The following GMDS variants were observed in gnomAD, a reference collection of about 807,000 sequenced individuals.
GMDS encodes the protein GDP-mannose 4,6 dehydratase.
Under a neutral mutation model 49.9 loss-of-function variants are expected in GMDS, and 20 were observed. The ratio of observed to expected loss-of-function variants is 0.40; its 90% confidence interval spans 0.28 to 0.58. The LOEUF is 0.58. GMDS is among the 20% of genes least tolerant of loss of function. GMDS has a pLI of 0.42. For synonymous variants in GMDS, 177 were observed against 178.6 expected (o/e 0.99, Z 0.07); for missense variants, 362 against 481.4 (o/e 0.75, Z 2.32).
intron 4 of GMDS, among the ~76,000 whole-genome samples, chr6:2,086,146 C>A (rs1199090325): frequency 6.6e-6 from 1 of 152,114 alleles, no homozygotes; most frequent in Non-Finnish European, 1.5e-5. Context: ...TGATTTTCTT[C>A]CAGACATGAC....
chr6:2,016,079 A>AAG (rs1554147156), intron 4 of GMDS, among the ~76,000 whole-genome samples: 6 of 95,482 alleles, frequency 6.3e-5, no homozygotes, highest in African/African-American at 2.4e-4. Context: ...AAAAAAAAAA[A>AAG]AATAAATTAA....
At chr6:1,883,535 T>C (rs1050604919) in intron 7 of GMDS, among the ~76,000 whole-genome samples, 1 of 152,136 alleles carries the variant, frequency 6.6e-6, no homozygotes, top group Non-Finnish European at 1.5e-5. Context: ...ACCTTCCACA[T>C]ATATTATAAA....
rs113112525 is a variant in GMDS at position 2,208,022 on chromosome 6, C to T, written c.102+37299G>A. ...GAAAAGGCAGACAGGTATTCCCTTC[C>T]CAGATTAGAAAAGTTTTACTTATAA... On this transcript the variant is annotated intron_variant, in intron 1 of 10. Coordinates refer to ENST00000380815, the MANE Select transcript of GMDS (RefSeq NM_001500.4). Among the ~76,000 whole-genome samples the T allele has an allele frequency of 3.3e-3, 504 of 151,922 alleles. 9 individuals carry two copies. Among genetic ancestry groups the T allele is most frequent in the African/African-American group, 0.012 (478 of 41,246 alleles).
chr6:2,245,415 T>C lies in GMDS; in HGVS notation c.8A>G (p.His3Arg). 12 of 1,518,292 alleles carry C rather than the reference T, an allele frequency of 7.9e-6. No homozygotes were observed. The highest frequency in any genetic ancestry group is 2.3e-4 in the Middle Eastern group (1 of 4,360). 94.1% of individuals were successfully genotyped at this position (1,518,292 alleles called of 1,614,324 possible). Reference sequence around the variant, plus strand: ...GGCGCTGGGGCAGCGTGCCGGTGCGTGTGCCATGTCCCGCGGCGGGCGTGC... The same window carrying C: ...GGCGCTGGGGCAGCGTGCCGGTGCGCGTGCCATGTCCCGCGGCGGGCGTGC... MA[H>R]APARCPSARG... is the part of the protein sequence containing the mutation. The change falls in exon 1 of 11, where the codon CAC becomes CGC. Residue 3 changes from histidine to arginine, a missense_variant. By Grantham distance (29) the His-to-Arg change is conservative (BLOSUM62 0). Coordinates refer to ENST00000380815, the MANE Select transcript of GMDS (RefSeq NM_001500.4).
intron 7 of GMDS, among the ~76,000 whole-genome samples, chr6:1,843,750 C>G (rs932836666): frequency 5.3e-5 from 8 of 152,184 alleles, no homozygotes; most frequent in Non-Finnish European, 1.0e-4. Flanking sequence ...GCCTGGATGA[C>G]AGAGTGAGAC....
chr6:2,241,105 TAGG>T (rs1781595676), intron 1 of GMDS, among the ~76,000 whole-genome samples: 1 of 152,124 alleles, frequency 6.6e-6, no homozygotes, highest in African/African-American at 2.4e-5. Context: ...CCCAGAGACC[TAGG>T]AGGACAGCAT....
intron 7 of GMDS, among the ~76,000 whole-genome samples, chr6:1,785,703 G>T (rs1185651255): frequency 6.6e-6 from 1 of 152,224 alleles, no homozygotes; most frequent in Non-Finnish European, 1.5e-5. Flanking sequence ...AGCATCCTCG[G>T]CAGGGAAGGA....
chr6:1,783,960 G>A (rs1769211311), intron 7 of GMDS, among the ~76,000 whole-genome samples: 2 of 152,100 alleles, frequency 1.3e-5, no homozygotes. Context: ...TCAGTAGGTT[G>A]TGACACAAGA....
At chr6:2,066,829 C>A (rs1485811883) in intron 4 of GMDS, among the ~76,000 whole-genome samples, 2 of 151,612 alleles carry the variant, frequency 1.3e-5, no homozygotes, top group African/African-American at 4.8e-5. Context: ...ACTTTAACAC[C>A]CCACTGTCAA....
At chr6:1,914,131 G>GTTTTTTT (rs563808537) in intron 7 of GMDS, among the ~76,000 whole-genome samples, 16 of 77,850 alleles carry the variant, frequency 2.1e-4, no homozygotes, top group African/African-American at 5.1e-4. Context: ...TTTTTTGTTT[G>GTTTTTTT]TTTTTTTTTT....
In GMDS at chr6:2,000,008, ATTTTTTATATATATATATATC is replaced by A. The variant is rs1561962103; in HGVS notation, c.346-39063_346-39043del. ...TTATATATATATATTATATATATAT[ATTTTTTATATATATATATATC>A]TATATCTTTTTTTTTTTTTTTTTGA... On this transcript the variant is annotated intron_variant, in intron 4 of 10. Transcript: ENST00000380815. 6.4e-3 allele frequency among the ~76,000 whole-genome samples: 52 copies of A among 8,084 alleles called. 11 individuals are homozygous for A. Among genetic ancestry groups the A allele is most frequent in the Non-Finnish European group, 0.012 (41 of 3,400 alleles). The allele number at this position is 8,084 out of a possible 152,430, so 5.3% of individuals were successfully genotyped here.
At chr6:2,056,819 C>G (rs1417522010) in intron 4 of GMDS, among the ~76,000 whole-genome samples, 1 of 152,154 alleles carries the variant, frequency 6.6e-6, no homozygotes, top group African/African-American at 2.4e-5. Context: ...TACCATTAAT[C>G]TGCAACCAGG....
intron 4 of GMDS, among the ~76,000 whole-genome samples, chr6:2,110,010 C>G (rs902636581): frequency 9.9e-5 from 15 of 152,190 alleles, no homozygotes; most frequent in Non-Finnish European, 2.1e-4. Context: ...AATGAATGAG[C>G]AAGAACACAG....
At chr6:1,948,867 T>C (rs2761233) in intron 6 of GMDS, among the ~76,000 whole-genome samples, 37,462 of 152,132 alleles carry the variant, frequency 0.25, 6,042 homozygotes, top group African/African-American at 0.46. Context: ...TACATTTTAT[T>C]TTTTTGCAAT....
chr6:1,936,592 T>C (rs2127253569), intron 6 of GMDS, among the ~76,000 whole-genome samples: 1 of 152,266 alleles, frequency 6.6e-6, no homozygotes, highest in African/African-American at 2.4e-5. Flanking sequence ...ATAAGCCACA[T>C]CTACGTCCCA....
intron 1 of GMDS, among the ~76,000 whole-genome samples, chr6:2,233,014 T>C (rs1781183187): frequency 6.6e-6 from 1 of 152,190 alleles, no homozygotes; most frequent in African/African-American, 2.4e-5. Flanking sequence ...GGGGAGTGAC[T>C]GATGAATGGG....
At chr6:1,754,420 A>T (rs975373514) in intron 7 of GMDS, among the ~76,000 whole-genome samples, 8 of 152,240 alleles carry the variant, frequency 5.3e-5, no homozygotes, top group Non-Finnish European at 1.0e-4. Context: ...CCAGGACCAG[A>T]TGGATTCACA....
intron 7 of GMDS, among the ~76,000 whole-genome samples, chr6:1,813,733 C>T (rs1770543844): frequency 6.6e-6 from 1 of 152,110 alleles, no homozygotes; most frequent in Non-Finnish European, 1.5e-5. Flanking sequence ...GTAATAAAGC[C>T]TTTACTGATT....
At chr6:1,653,651 T>A (rs1197410681) in intron 9 of GMDS, among the ~76,000 whole-genome samples, 1 of 152,134 alleles carries the variant, frequency 6.6e-6, no homozygotes, top group East Asian at 1.9e-4. Flanking sequence ...AACCCTAATA[T>A]ACCCGGCCAA....
Sources: allele counts gnomAD v4.1 joint callset (sites outside exome capture counted in the v4.1 genomes callset), GRCh38; gene constraint gnomAD v4.1.1; transcripts MANE v1.5; gene names NCBI Gene and HGNC (gene_info 2026-07-23, HGNC 2026-07-21).